PTBP3: variants seen among roughly 807,000 people sequenced by gnomAD.
PTBP3 encodes the protein polypyrimidine tract binding protein 3.
PTBP3 carries 20 observed loss-of-function variants against 58.7 expected under a neutral mutation model. The observed-to-expected ratio is 0.34, with a 90% CI of 0.24 to 0.50. The LOEUF is 0.50. Among genes scored for constraint, PTBP3 ranks in the 20% least tolerant of loss-of-function variants. The pLI, the probability that PTBP3 is intolerant of heterozygous loss-of-function variation, is 0.98. For missense variants in PTBP3, 509 were observed against 637.2 expected (o/e 0.80, Z 2.17); for synonymous variants, 185 against 219.8 (o/e 0.84, Z 1.40).
At chr9:112,320,314 A>ATATATATT in intron 1 of PTBP3, among the ~76,000 whole-genome samples, 10 of 75,692 alleles carry the variant, frequency 1.3e-4, no homozygotes, top group African/African-American at 4.7e-4. Flanking sequence ...ATATATATAT[A>ATATATATT]TTTTTTTTTA....
intron 1 of PTBP3, among the ~76,000 whole-genome samples, chr9:112,310,556 G>A (rs998926424): frequency 6.6e-6 from 1 of 152,202 alleles, no homozygotes; most frequent in African/African-American, 2.4e-5. Context: ...CTATGTGCCA[G>A]GCCTTTAACC....
At chr9:112,260,320 T>C (rs1478974517) in intron 5 of PTBP3, among the ~76,000 whole-genome samples, 5 of 152,184 alleles carry the variant, frequency 3.3e-5, no homozygotes, top group Admixed American at 6.5e-5. Context: ...TCATCTTCAT[T>C]ATAAAGAAAA....
At chr9:112,231,762 G>T (rs1257366755) in intron 9 of PTBP3, among the ~76,000 whole-genome samples, 2 of 151,096 alleles carry the variant, frequency 1.3e-5, no homozygotes, top group African/African-American at 4.9e-5. Context: ...AAAAAAATTA[G>T]CCAGGCGTGG....
intron 1 of PTBP3, among the ~76,000 whole-genome samples, chr9:112,302,649 C>T (rs1828995508): frequency 7.4e-6 from 1 of 135,690 alleles, no homozygotes; most frequent in Non-Finnish European, 1.5e-5. Flanking sequence ...AGTACAGTGA[C>T]ACGATCTTAG....
At chr9:112,349,662 C>G in the PTBP3 span, among the ~76,000 whole-genome samples, 1 of 151,816 alleles carries the variant, frequency 6.6e-6, no homozygotes, top group Admixed American at 6.6e-5. Flanking sequence ...AGTTCAGGAC[C>G]AGCCTGGCCA....
intron 1 of PTBP3, among the ~76,000 whole-genome samples, chr9:112,331,458 A>G (rs1830372629): frequency 6.6e-6 from 1 of 152,240 alleles, no homozygotes; most frequent in African/African-American, 2.4e-5. Flanking sequence ...CTATGTCATC[A>G]TTACCTCATA....
At chr9:112,328,428 G>A (rs1342096104) in intron 1 of PTBP3, among the ~76,000 whole-genome samples, 1 of 152,196 alleles carries the variant, frequency 6.6e-6, no homozygotes, top group African/African-American at 2.4e-5. Context: ...CTTCAGAGTA[G>A]GATCTGACCT....
At chr9:112,379,076 C>A in the PTBP3 span, among the ~76,000 whole-genome samples, 1 of 152,190 alleles carries the variant, frequency 6.6e-6, no homozygotes, top group Admixed American at 6.5e-5. Context: ...GTAGTCCCAG[C>A]TACTCCGGAG....
chr9:112,327,308 G>A (rs1564467284), intron 1 of PTBP3, among the ~76,000 whole-genome samples: 1 of 152,148 alleles, frequency 6.6e-6, no homozygotes, highest in Non-Finnish European at 1.5e-5. Context: ...GCTCACGCCT[G>A]TAATCCCAGC....
chr9:112,231,307 C>A (rs1835189597), intron 10 of PTBP3, 73 bp downstream of exon 10: 2 of 1,233,902 alleles, frequency 1.6e-6, no homozygotes, highest in Non-Finnish European at 1.1e-6. Context: ...GTAATCAATA[C>A]ATATTACTAA....
intron 5 of PTBP3, 130 bp downstream of exon 5, chr9:112,262,305 G>C: frequency 1.3e-6 from 1 of 742,538 alleles, no homozygotes; most frequent in East Asian, 3.4e-5. Context: ...GAAATTAGAT[G>C]AAGTTTTTTT....
At chr9:112,302,225 T>C (rs1319945890) in intron 1 of PTBP3, among the ~76,000 whole-genome samples, 1 of 152,018 alleles carries the variant, frequency 6.6e-6, no homozygotes, top group Non-Finnish European at 1.5e-5. Context: ...ATACCCTCTC[T>C]ACAACAAAAC....
chr9:112,376,251 A>AGTT, the PTBP3 span, among the ~76,000 whole-genome samples: 1 of 22,368 alleles, frequency 4.5e-5, no homozygotes, highest in East Asian at 1.6e-3. Flanking sequence ...GAGTTTATTA[A>AGTT]GTTTTTTTTT....
the PTBP3 span, among the ~76,000 whole-genome samples, chr9:112,342,773 T>C: frequency 9.1e-6 from 1 of 109,920 alleles, no homozygotes; most frequent in Non-Finnish European, 2.1e-5. Flanking sequence ...AAAATAAACG[T>C]GTAGGCATGG....
chr9:112,249,314 C>G (rs556995519), intron 7 of PTBP3, among the ~76,000 whole-genome samples: 1 of 151,940 alleles, frequency 6.6e-6, no homozygotes, highest in Non-Finnish European at 1.5e-5. Context: ...TATATACTTA[C>G]GTGTTTTATA....
chr9:112,302,651 C>T (rs1220633822), intron 1 of PTBP3, among the ~76,000 whole-genome samples: 2 of 135,332 alleles, frequency 1.5e-5, no homozygotes, highest in Non-Finnish European at 3.1e-5. Context: ...TACAGTGACA[C>T]GATCTTAGCT....
intron 1 of PTBP3, among the ~76,000 whole-genome samples, chr9:112,314,081 G>A (rs1587877735): frequency 6.6e-6 from 1 of 152,282 alleles, no homozygotes; most frequent in Non-Finnish European, 1.5e-5. Flanking sequence ...GTATACAGCA[G>A]GATGTGCTAT....
chr9:112,290,087 C>A (rs1267007481), intron 2 of PTBP3, among the ~76,000 whole-genome samples: 1 of 152,062 alleles, frequency 6.6e-6, no homozygotes, highest in Non-Finnish European at 1.5e-5. Flanking sequence ...TGAAAAAGAA[C>A]AATTTCTGTT....
At position 112,222,058 on chromosome 9, in the gene PTBP3, T is replaced by C; in HGVS notation, c.*1793A>G. The C allele has an allele frequency of 1.0e-6, 1 of 967,080 alleles. No individual in the cohort carries two copies. The highest frequency in any genetic ancestry group is 1.2e-6 in the Non-Finnish European group (1 of 812,912). The allele number at this position is 967,080 out of a possible 1,614,324, so 59.9% of individuals were successfully genotyped here. ...GCCTCCTGCCTACAGGCTCAGCCTGTAGCTGGGACTACAGGCGCACAGGCG... is the reference window on the plus strand; with the variant it reads ...GCCTCCTGCCTACAGGCTCAGCCTGCAGCTGGGACTACAGGCGCACAGGCG... On this transcript the variant is annotated 3_prime_UTR_variant, in exon 14 of 14. Coordinates refer to ENST00000374257, the MANE Select transcript of PTBP3 (RefSeq NM_001163788.4).
Sources: gnomAD v4.1 joint callset for allele counts (sites outside exome capture counted in the v4.1 genomes callset) on GRCh38, gnomAD v4.1.1 for gene constraint, MANE v1.5 for transcripts, NCBI Gene and HGNC (gene_info 2026-07-23, HGNC 2026-07-21) for gene names.